Variants in EML6 observed in about 807,000 individuals in gnomAD.
The protein encoded by EML6 is echinoderm microtubule-associated protein-like 6.
A neutral mutation model predicts 240.1 loss-of-function variants in EML6; 154 were observed. That is an observed-to-expected ratio of 0.64 (90% CI 0.56 to 0.73). The LOEUF is 0.73. Ranked by LOEUF, EML6 falls within the 30% of genes least tolerant of loss-of-function variation. EML6 has a pLI of 0.00. For missense variants in EML6, 2,964 were observed against 2,474.6 expected (o/e 1.20, Z -4.20); for synonymous variants, 1,148 against 899.0 (o/e 1.28, Z -4.95).
intron 17 of EML6, among the ~76,000 whole-genome samples, chr2:54,887,239 C>A (rs1056541488): frequency 1.3e-5 from 2 of 152,208 alleles, no homozygotes; most frequent in Non-Finnish European, 2.9e-5. Context: ...GTTGTAGCAT[C>A]AGCTGACAAC....
intron 11 of EML6, among the ~76,000 whole-genome samples, chr2:54,854,449 G>A (rs1314442141): frequency 6.6e-6 from 1 of 152,176 alleles, no homozygotes; most frequent in Non-Finnish European, 1.5e-5. Context: ...CTCAAGCGTT[G>A]TAGAAGGTGA....
intron 7 of EML6, among the ~76,000 whole-genome samples, chr2:54,842,690 C>T (rs1180786692): frequency 6.6e-6 from 1 of 152,178 alleles, no homozygotes; most frequent in Non-Finnish European, 1.5e-5. Flanking sequence ...GATTCAAAAA[C>T]TCACTGCCTA....
At chr2:54,855,482 G>A (rs183831194) in intron 11 of EML6, among the ~76,000 whole-genome samples, 6 of 123,900 alleles carry the variant, frequency 4.8e-5, no homozygotes, top group Non-Finnish European at 6.6e-5. Context: ...CTCTAATTCT[G>A]GAGATTACAA....
intron 7 of EML6, among the ~76,000 whole-genome samples, chr2:54,841,287 C>T (rs1041876923): frequency 8.5e-5 from 13 of 152,234 alleles, no homozygotes; most frequent in African/African-American, 3.1e-4. Flanking sequence ...ACTACTGTTG[C>T]CAGGGTGTCT....
intron 16 of EML6, among the ~76,000 whole-genome samples, chr2:54,873,911 A>G (rs73938649): frequency 0.042 from 6,350 of 149,902 alleles, 466 homozygotes; most frequent in African/African-American, 0.15. Flanking sequence ...GCACATTTCA[A>G]TGTATCAAGA....
At chr2:54,932,470 C>A (rs1461864565) in intron 28 of EML6, among the ~76,000 whole-genome samples, 1 of 152,216 alleles carries the variant, frequency 6.6e-6, no homozygotes, top group Non-Finnish European at 1.5e-5. Context: ...TAGAGGAACC[C>A]TTCCAAACCT....
At chr2:54,829,907 G>T (rs543340987) in intron 7 of EML6, among the ~76,000 whole-genome samples, 1 of 152,262 alleles carries the variant, frequency 6.6e-6, no homozygotes, top group South Asian at 2.1e-4. Context: ...AGTCATGTGG[G>T]GTGGGTTCAA....
intron 16 of EML6, among the ~76,000 whole-genome samples, chr2:54,876,387 C>T (rs1361975837): frequency 1.3e-5 from 2 of 152,194 alleles, no homozygotes; most frequent in South Asian, 2.1e-4. Flanking sequence ...TGCACTGCTG[C>T]TTCCATTGCT....
chr2:54,787,922 T>A (rs1669176561), intron 2 of EML6, among the ~76,000 whole-genome samples: 1 of 152,146 alleles, frequency 6.6e-6, no homozygotes, highest in Non-Finnish European at 1.5e-5. Context: ...CGAGGCCTAG[T>A]TGAAACTTCC....
chr2:54,919,301 T>C (rs1053091649), intron 26 of EML6, among the ~76,000 whole-genome samples: 1 of 144,734 alleles, frequency 6.9e-6, no homozygotes, highest in African/African-American at 2.6e-5. Context: ...TTCCAGAAAC[T>C]ACACTTAAAA....
At chr2:54,917,721 A>G (rs1453607732) in intron 26 of EML6, among the ~76,000 whole-genome samples, 1 of 152,112 alleles carries the variant, frequency 6.6e-6, no homozygotes, top group Non-Finnish European at 1.5e-5. Context: ...CCATTCCTCT[A>G]ACAGCCGTCA....
chr2:54,854,202 G>T (rs575658065), intron 11 of EML6, among the ~76,000 whole-genome samples: 1 of 152,224 alleles, frequency 6.6e-6, no homozygotes, highest in East Asian at 1.9e-4. Flanking sequence ...TTATGATTCA[G>T]AGCTATTGTG....
At chr2:54,777,211 T>C (rs1339766031) in intron 2 of EML6, among the ~76,000 whole-genome samples, 2 of 152,142 alleles carry the variant, frequency 1.3e-5, no homozygotes, top group Admixed American at 1.3e-4. Flanking sequence ...GTGCAAATCT[T>C]AAGGTTTTAG....
At chr2:54,953,187 T>G (rs1452726833) in intron 31 of EML6, among the ~76,000 whole-genome samples, 10 of 152,162 alleles carry the variant, frequency 6.6e-5, no homozygotes, top group Admixed American at 6.5e-4. Context: ...TAAGTTTAAT[T>G]TGGAACTTTC....
intron 2 of EML6, among the ~76,000 whole-genome samples, chr2:54,802,897 A>G (rs1252833537): frequency 1.3e-5 from 2 of 152,118 alleles, no homozygotes; most frequent in Non-Finnish European, 2.9e-5. Flanking sequence ...ACTTACACCA[A>G]GTTCTGTGAT....
intron 25 of EML6, among the ~76,000 whole-genome samples, chr2:54,915,887 T>A (rs796843737): frequency 6.6e-5 from 10 of 152,314 alleles, no homozygotes; most frequent in African/African-American, 2.4e-4. Flanking sequence ...TAATAGCAGA[T>A]GTTGAATGAA....
intron 2 of EML6, among the ~76,000 whole-genome samples, chr2:54,812,136 C>T (rs1288243672): frequency 1.3e-5 from 2 of 152,132 alleles, no homozygotes; most frequent in African/African-American, 2.4e-5. Flanking sequence ...GTACCGGGCA[C>T]TCTGCTAAGT....
intron 5 of EML6, among the ~76,000 whole-genome samples, chr2:54,823,878 T>TCTCTCTCTCTCTG (rs60937620): frequency 4.6e-5 from 6 of 129,124 alleles, no homozygotes; most frequent in African/African-American, 2.1e-4. Context: ...CTCTCTCTCT[T>TCTCTCTCTCTCTG]TCTGTCTCTC....
chr2:54,733,933 G>C (rs1285951425), intron 2 of EML6, among the ~76,000 whole-genome samples: 3 of 152,206 alleles, frequency 2.0e-5, no homozygotes, highest in African/African-American at 4.8e-5. Flanking sequence ...TGGAGTAGAA[G>C]AGAAGGAGGC....
Sources: gnomAD v4.1 joint callset for allele counts (sites outside exome capture counted in the v4.1 genomes callset) on GRCh38, gnomAD v4.1.1 for gene constraint, MANE v1.5 for transcripts, NCBI Gene and HGNC (gene_info 2026-07-23, HGNC 2026-07-21) for gene names.